Variants in ASB15 observed in about 807,000 individuals in gnomAD.
ASB15 encodes the protein ankyrin repeat and SOCS box protein 15.
ASB15 carries 54 observed loss-of-function variants against 58.0 expected under a neutral mutation model. The observed-to-expected ratio is 0.93, with a 90% CI of 0.75 to 1.17. The LOEUF is 1.17. Among genes scored for constraint, ASB15 ranks in the 50% most tolerant of loss-of-function variants. The probability of loss-of-function intolerance (pLI) is 0.00; values close to 1 mark genes in which losing one functional copy is unlikely to be tolerated. For synonymous variants in ASB15, 249 were observed against 262.4 expected (o/e 0.95, Z 0.50); for missense variants, 680 against 707.4 (o/e 0.96, Z 0.44).
intron 1 of ASB15, among the ~76,000 whole-genome samples, chr7:123,582,886 G>A (rs1410104576): frequency 6.6e-6 from 1 of 151,914 alleles, no homozygotes. Context: ...TATTCAAAGA[G>A]GAATATACCT....
intron 1 of ASB15, among the ~76,000 whole-genome samples, chr7:123,577,393 T>G (rs1799095307): frequency 6.6e-6 from 1 of 152,158 alleles, no homozygotes; most frequent in African/African-American, 2.4e-5. Flanking sequence ...TGGCCCAGTT[T>G]CCCTTCCTTT....
At position 123,638,464 on chromosome 7, in the gene ASB15, A is replaced by G. The variant is rs955270725; in HGVS notation, c.*1483A>G. 2 of 152,152 alleles carry G rather than the reference A, an allele frequency of 1.3e-5. No individual in the cohort carries two copies. The highest frequency in any genetic ancestry group is 2.9e-5 in the Non-Finnish European group (2 of 68,020). The allele number at this position is 152,152 out of a possible 1,614,324, so 9.4% of individuals were successfully genotyped here. On this transcript the variant is annotated 3_prime_UTR_variant, in exon 12 of 12. Coordinates refer to ENST00000451215, the MANE Select transcript of ASB15 (RefSeq NM_001290258.2). ...GAGTCATTAAAAAATACCATCTACT[A>G]TCACCATCATTTCATAAAAGAGGGG...
At chr7:123,582,648 T>C (rs894278949) in intron 1 of ASB15, among the ~76,000 whole-genome samples, 14 of 151,996 alleles carry the variant, frequency 9.2e-5, no homozygotes, top group African/African-American at 2.4e-4. Context: ...TCTCCCCTTA[T>C]ACATTATCTC....
intron 1 of ASB15, among the ~76,000 whole-genome samples, chr7:123,602,317 G>T (rs938962770): frequency 6.6e-6 from 1 of 152,112 alleles, no homozygotes; most frequent in Admixed American, 6.6e-5. Flanking sequence ...TTCATCACTT[G>T]TTGAAAAAGA....
At position 123,637,100 on chromosome 7, in the gene ASB15, T is replaced by C. The variant is rs921041491; in HGVS notation, c.*119T>C. 20 of 702,688 alleles carry C rather than the reference T, an allele frequency of 2.8e-5. No homozygotes were observed. Among genetic ancestry groups the C allele is most frequent in the Non-Finnish European group, 3.9e-5 (17 of 432,976 alleles). 43.5% of individuals were successfully genotyped at this position (702,688 alleles called of 1,614,324 possible). ...GTATTTAAATTCATTGACAGTTTTA[T>C]AGGTTATCATGTGTTCTTATGGGAA... On this transcript the variant is annotated 3_prime_UTR_variant, in exon 12 of 12. Transcript: ENST00000451215.
chr7:123,621,091 G>C (rs1418771325), intron 7 of ASB15, among the ~76,000 whole-genome samples: 2 of 151,934 alleles, frequency 1.3e-5, no homozygotes, highest in African/African-American at 4.8e-5. Flanking sequence ...TTTTCTTTTG[G>C]CCTCATTTAA....
At chr7:123,616,563 T>C in intron 6 of ASB15, 68 bp downstream of exon 6, 2 of 1,482,160 alleles carry the variant, frequency 1.3e-6, no homozygotes, top group South Asian at 2.5e-5. Flanking sequence ...GTTATAAGTG[T>C]TTTCAGTGAA....
chr7:123,585,853 T>A (rs952456784), intron 1 of ASB15, among the ~76,000 whole-genome samples: 2 of 151,854 alleles, frequency 1.3e-5, no homozygotes, highest in African/African-American at 4.8e-5. Context: ...TACTAGCTTA[T>A]TTCACCTACT....
chr7:123,628,395 G>T (rs550225385), intron 9 of ASB15, among the ~76,000 whole-genome samples: 131 of 152,280 alleles, frequency 8.6e-4, no homozygotes, highest in Admixed American at 2.8e-3. Context: ...ACTTCAGATT[G>T]TTCTTCTGTT....
Position 123,638,973 on chromosome 7 carries a change from T to C in ASB15, c.*1992T>C, listed in dbSNP as rs1176996016. On this transcript the variant is annotated 3_prime_UTR_variant, in exon 12 of 12. Transcript: ENST00000451215. ...TAGAGCATGGAGTTCAATAATTGTT[T>C]GTTGAAATATATTGAATAAGTGACA... The C allele has an allele frequency of 6.6e-6, 1 of 152,208 alleles. No homozygotes were observed. Among genetic ancestry groups the C allele is most frequent in the Non-Finnish European group, 1.5e-5 (1 of 68,034 alleles). 9.4% of individuals were successfully genotyped at this position (152,208 alleles called of 1,614,324 possible).
Position 123,628,889 on chromosome 7 carries a change from A to G in ASB15, c.895A>G (p.Thr299Ala). 6.4e-7 allele frequency: 1 copy of G among 1,554,518 alleles called. No individual in the cohort carries two copies. The part of the protein sequence containing the change: ...YLALKYLIPV[T>A]SKNAIRKSGL... Reference sequence around the variant, plus strand: ...TGCACTGAAATATCTTATCCCAGTAACATCTAAAAATGCAATTCGGAAAAG... The same window carrying G: ...TGCACTGAAATATCTTATCCCAGTAGCATCTAAAAATGCAATTCGGAAAAG... The change falls in exon 10 of 12, where the codon ACA (threonine) becomes GCA (alanine). Residue 299 changes from threonine to alanine, a missense_variant. Thr to Ala is a moderately conservative substitution (Grantham distance 58). Coordinates refer to ENST00000451215, the MANE Select transcript of ASB15 (RefSeq NM_001290258.2).
chr7:123,630,268 G>T, intron 11 of ASB15, 149 bp downstream of exon 11: 1 of 557,948 alleles, frequency 1.8e-6, no homozygotes, highest in Non-Finnish European at 3.0e-6. Context: ...CACTTCCTCT[G>T]TTGTAAGATA....
At chr7:123,617,494 T>C (rs1474124983) in intron 6 of ASB15, 85 bp from the exon 7 acceptor site, 9 of 1,191,384 alleles carry the variant, frequency 7.6e-6, no homozygotes, top group East Asian at 7.1e-5. Flanking sequence ...CAATCCGATG[T>C]ATATAATATT....
intron 1 of ASB15, among the ~76,000 whole-genome samples, chr7:123,585,574 T>C (rs1365578251): frequency 6.6e-6 from 1 of 151,722 alleles, no homozygotes; most frequent in Non-Finnish European, 1.5e-5. Flanking sequence ...TATTTACACA[T>C]TGTGAAATGA....
intron 1 of ASB15, among the ~76,000 whole-genome samples, chr7:123,581,009 G>A (rs576608820): frequency 6.6e-6 from 1 of 152,056 alleles, no homozygotes; most frequent in South Asian, 2.1e-4. Context: ...ATTCCTGTGT[G>A]ACTCTCCTTC....
chr7:123,637,892 A>AAAAAAAAC lies in ASB15; in HGVS notation c.*918_*919insCAAAAAAA, dbSNP rs1369260550. On this transcript the variant is annotated 3_prime_UTR_variant, in exon 12 of 12. Transcript: ENST00000451215. The stretch of plus-strand genomic sequence containing the variant: ...CCCAGATGAACTAAAAAAAAAAAAA[A>AAAAAAAAC]AAAAAAAACCTCTTTCCCGAGCTCA... The AAAAAAAAC allele has an allele frequency of 6.7e-6, 1 of 149,402 alleles. No individual in the cohort carries two copies. Among genetic ancestry groups the AAAAAAAAC allele is most frequent in the Non-Finnish European group, 1.5e-5 (1 of 67,578 alleles). The allele number at this position is 149,402 out of a possible 1,614,324, so 9.3% of individuals were successfully genotyped here.
In ASB15 at chr7:123,590,733, G is replaced by A. The variant is rs114955278; in HGVS notation, c.-442-13299G>A. On this transcript the variant is annotated intron_variant, in intron 1 of 13. Transcript: ENST00000451558. ...AGTATAGTTCGATGTCAGGTAGCGTGATGCCTCCAACTTTGTTCTATTTGC... is the reference window on the plus strand; with the variant it reads ...AGTATAGTTCGATGTCAGGTAGCGTAATGCCTCCAACTTTGTTCTATTTGC... Among the ~76,000 whole-genome samples the A allele has an allele frequency of 8.8e-3, 1,342 of 152,272 alleles. 18 individuals are homozygous for A. The highest frequency in any genetic ancestry group is 0.031 in the African/African-American group (1,270 of 41,540).
intron 1 of ASB15, among the ~76,000 whole-genome samples, chr7:123,568,184 T>C (rs773310445): frequency 1.3e-5 from 2 of 152,100 alleles, no homozygotes; most frequent in Non-Finnish European, 2.9e-5. Flanking sequence ...TTGGATTAAG[T>C]TTAATATTGA....
intron 4 of ASB15, among the ~76,000 whole-genome samples, chr7:123,615,949 C>G (rs1043182536): frequency 6.6e-6 from 1 of 151,970 alleles, no homozygotes; most frequent in Non-Finnish European, 1.5e-5. Context: ...TTGTTTACTC[C>G]TTTTTTATTG....
Sources: gnomAD v4.1 joint callset for allele counts (sites outside exome capture counted in the v4.1 genomes callset) on GRCh38, gnomAD v4.1.1 for gene constraint, MANE v1.5 for transcripts, NCBI Gene and HGNC (gene_info 2026-07-23, HGNC 2026-07-21) for gene names.